GLYATL1: variants seen among roughly 807,000 people sequenced by gnomAD.
GLYATL1 encodes glycine-N-acyltransferase like 1.
GLYATL1 carries 15 observed loss-of-function variants against 20.0 expected under a neutral mutation model. The ratio of observed to expected loss-of-function variants is 0.75; its 90% confidence interval spans 0.50 to 1.15. The LOEUF is 1.15. Ranked by LOEUF, GLYATL1 falls within the 50% of genes most tolerant of loss-of-function variation. The pLI, the probability that GLYATL1 is intolerant of heterozygous loss-of-function variation, is 0.00. For missense variants in GLYATL1, 380 were observed against 368.5 expected, an observed-to-expected ratio of 1.03 and a Z score of -0.26; for synonymous variants, 151 against 131.5, an observed-to-expected ratio of 1.15 and a Z score of -1.01.
intron 1 of GLYATL1, among the ~76,000 whole-genome samples, chr11:58,941,492 G>T (rs1050540315): frequency 2.6e-5 from 4 of 151,946 alleles, no homozygotes; most frequent in African/African-American, 9.7e-5. Context: ...GAATAGTGCC[G>T]CAATAAACAT....
At chr11:58,921,218 T>A (rs1426345102) in intron 1 of GLYATL1, among the ~76,000 whole-genome samples, 1 of 152,172 alleles carries the variant, frequency 6.6e-6, no homozygotes, top group Non-Finnish European at 1.5e-5. Context: ...TGATGCCAGA[T>A]AGTTGGAGTG....
chr11:58,914,608 A>G (rs1448799087), intron 1 of GLYATL1, among the ~76,000 whole-genome samples: 1 of 152,180 alleles, frequency 6.6e-6, no homozygotes, highest in Non-Finnish European at 1.5e-5. Flanking sequence ...GGGGATTTCC[A>G]TATGATAATG....
chr11:58,948,992 G>A (rs1455912569), intron 4 of GLYATL1, among the ~76,000 whole-genome samples: 1 of 152,128 alleles, frequency 6.6e-6, no homozygotes, highest in Non-Finnish European at 1.5e-5. Context: ...ATTACACAAG[G>A]TTTAAATGAG....
In GLYATL1 at chr11:58,944,943, C is replaced by T. The variant is rs115086966; in HGVS notation, c.-43+1277C>T. 3.7e-3 allele frequency among the ~76,000 whole-genome samples: 560 copies of T among 151,112 alleles called. 3 individuals carry two copies. Among genetic ancestry groups the T allele is most frequent in the African/African-American group, 0.013 (528 of 41,284 alleles). ...CCAGACCCAAATGGACCAATATCATCGGATTCCATGATATATGAAGTACCC... is the reference window on the plus strand; with the variant it reads ...CCAGACCCAAATGGACCAATATCATTGGATTCCATGATATATGAAGTACCC... On this transcript the variant is annotated intron_variant, in intron 2 of 6. Coordinates refer to ENST00000532726, the MANE Select transcript of GLYATL1 (RefSeq NM_001389712.2).
chr11:58,923,154 A>T (rs532753257), upstream of GLYATL1, among the ~76,000 whole-genome samples: 1 of 152,280 alleles, frequency 6.6e-6, no homozygotes, highest in South Asian at 2.1e-4. Context: ...TTGGGCATCC[A>T]TTTCTCCATT....
upstream of GLYATL1, among the ~76,000 whole-genome samples, chr11:58,924,657 C>T (rs559924471): frequency 6.6e-5 from 10 of 152,316 alleles, no homozygotes; most frequent in African/African-American, 2.2e-4. Context: ...GGTCACTGCT[C>T]TTATTCCGGC....
intron 1 of GLYATL1, among the ~76,000 whole-genome samples, chr11:58,906,685 A>C (rs1405276264): frequency 6.6e-6 from 1 of 152,164 alleles, no homozygotes; most frequent in Non-Finnish European, 1.5e-5. Flanking sequence ...GATTCATGTT[A>C]GGGTAGCGCT....
intron 1 of GLYATL1, among the ~76,000 whole-genome samples, chr11:58,940,679 GT>G (rs1469504455): frequency 2.6e-5 from 4 of 152,116 alleles, no homozygotes; most frequent in African/African-American, 9.7e-5. Context: ...TTTTGTCTGG[GT>G]TTTGTATTTG....
At chr11:58,933,832 A>C (rs193267874) in intron 1 of GLYATL1, 2 of 152,422 alleles carry the variant, frequency 1.3e-5, no homozygotes, top group Admixed American at 1.3e-4. Flanking sequence ...CTTGTTGCCA[A>C]AGTCCTCAGG....
chr11:58,949,111 T>C (rs1590805035), intron 4 of GLYATL1, among the ~76,000 whole-genome samples: 2 of 152,346 alleles, frequency 1.3e-5, no homozygotes, highest in Middle Eastern at 6.8e-3. Context: ...GGAGCTGAAA[T>C]GGTAATACAA....
At chr11:58,935,557 T>C (rs1855795717), upstream of GLYATL1, 1 of 152,202 alleles carries the variant, frequency 6.6e-6, no homozygotes, top group South Asian at 2.1e-4. Context: ...AGATAGTTGT[T>C]TAAATTGATG....
At position 58,955,639 on chromosome 11, in the gene GLYATL1, T is replaced by A; in HGVS notation, c.521T>A (p.Leu174Gln). The A allele has an allele frequency of 6.2e-7, 1 of 1,614,172 alleles. No individual in the cohort carries two copies. The highest frequency in any genetic ancestry group is 2.2e-5 in the East Asian group (1 of 44,890). Residue 174 changes from leucine (L) to glutamine (Q), a missense_variant, in exon 7 of 7, where the codon CTG becomes CAG. Coordinates refer to ENST00000532726, the MANE Select transcript of GLYATL1 (RefSeq NM_001389712.2). ...SETPNFKYAQLDVSYSGLVND... is the reference protein window; with the variant it reads ...SETPNFKYAQQDVSYSGLVND... Reference sequence around the variant, plus strand: ...ACTCCCAACTTTAAGTATGCCCAGCTGGATGTCTCTTATTCTGGGCTGGTA... The same window carrying A: ...ACTCCCAACTTTAAGTATGCCCAGCAGGATGTCTCTTATTCTGGGCTGGTA...
chr11:58,949,509 A>G (rs1032841666), intron 4 of GLYATL1, among the ~76,000 whole-genome samples: 6 of 152,220 alleles, frequency 3.9e-5, no homozygotes, highest in Non-Finnish European at 5.9e-5. Flanking sequence ...AGGAAGTCAA[A>G]TAGTTCCTTT....
At chr11:58,940,065 C>T (rs969889146) in intron 1 of GLYATL1, among the ~76,000 whole-genome samples, 5 of 152,140 alleles carry the variant, frequency 3.3e-5, no homozygotes, top group Non-Finnish European at 5.9e-5. Flanking sequence ...AATAAACTGA[C>T]ACTCTTTTGT....
chr11:58,928,970 A>T (rs906629524), intron 1 of GLYATL1, among the ~76,000 whole-genome samples: 1 of 152,220 alleles, frequency 6.6e-6, no homozygotes, highest in Non-Finnish European at 1.5e-5. Context: ...TATTTACCCT[A>T]TGACCTAATG....
At chr11:58,947,404 G>A (rs953693067) in intron 3 of GLYATL1, 8 of 561,308 alleles carry the variant, frequency 1.4e-5, no homozygotes, top group East Asian at 5.9e-5. Context: ...TGGTGGCTAC[G>A]AACATGGTTT....
intron 1 of GLYATL1, among the ~76,000 whole-genome samples, chr11:58,930,694 A>G (rs547815245): frequency 2.0e-5 from 3 of 152,298 alleles, no homozygotes; most frequent in Admixed American, 2.0e-4. Flanking sequence ...TTTTATGGAG[A>G]AAATTATTTT....
downstream of GLYATL1, among the ~76,000 whole-genome samples, chr11:58,910,807 C>T (rs10896874): frequency 0.2 from 29,852 of 152,082 alleles, 3,557 homozygotes; most frequent in African/African-American, 0.32. Flanking sequence ...GTTTCGTTTA[C>T]ATTTATTTAT....
chr11:58,931,184 T>G (rs1855584903), intron 1 of GLYATL1, among the ~76,000 whole-genome samples: 1 of 152,226 alleles, frequency 6.6e-6, no homozygotes, highest in Non-Finnish European at 1.5e-5. Context: ...GACTCTCTCC[T>G]TGATTTGTAG....
Sources: gnomAD v4.1 joint callset for allele counts (sites outside exome capture counted in the v4.1 genomes callset) on GRCh38, gnomAD v4.1.1 for gene constraint, MANE v1.5 for transcripts, NCBI Gene and HGNC (gene_info 2026-07-23, HGNC 2026-07-21) for gene names.